Variants in INTS4 observed in about 807,000 individuals in gnomAD.
INTS4 encodes integrator complex subunit 4.
In INTS4, 70 loss-of-function variants were observed where a neutral mutation model predicts 119.5. That is an observed-to-expected ratio of 0.59 (90% CI 0.48 to 0.71). The LOEUF (loss-of-function observed/expected upper bound fraction) is 0.71, where lower values mean the gene tolerates loss of function less well. INTS4 is among the 30% of genes least tolerant of loss of function. The pLI, the probability that INTS4 is intolerant of heterozygous loss-of-function variation, is 0.00. For missense variants in INTS4, 867 were observed against 1,173.2 expected, an observed-to-expected ratio of 0.74 and a Z score of 3.81; for synonymous variants, 316 against 419.6, an observed-to-expected ratio of 0.75 and a Z score of 3.02.
intron 9 of INTS4, among the ~76,000 whole-genome samples, chr11:77,939,393 G>A (rs1953875005): frequency 1.3e-5 from 2 of 151,636 alleles, no homozygotes; most frequent in African/African-American, 2.4e-5. Context: ...GCAGTGAGCC[G>A]AGATCATGCC....
rs532454726 is a variant in INTS4 at position 77,965,898 on chromosome 11, A to T, written c.472-4760T>A. Among the ~76,000 whole-genome samples the T allele has an allele frequency of 3.9e-5, 6 of 152,306 alleles. No individual in the cohort carries two copies. In the East Asian group the frequency reaches 1.2e-3, roughly 29 times the overall value. On this transcript the variant is annotated intron_variant, in intron 4 of 22. Coordinates refer to ENST00000534064, the MANE Select transcript of INTS4 (RefSeq NM_033547.4). ...CTATTTTTAGTTTTTTGAGACCTTC[A>T]TCTTGTTTTCCATAAATAGTTGTAC...
intron 22 of INTS4, 65 bp downstream of exon 22, chr11:77,883,767 C>G: frequency 6.5e-7 from 1 of 1,544,858 alleles, no homozygotes; most frequent in Non-Finnish European, 8.8e-7. Flanking sequence ...AAAAACCAAA[C>G]GCTTAAGGGT....
chr11:77,928,950 G>A (rs185354356), intron 10 of INTS4, among the ~76,000 whole-genome samples: 19 of 150,572 alleles, frequency 1.3e-4, no homozygotes, highest in Middle Eastern at 6.8e-3. Context: ...GTGCCCAGGA[G>A]TTTGAGCCTG....
intron 16 of INTS4, among the ~76,000 whole-genome samples, chr11:77,905,606 C>T (rs190478211): frequency 2.2e-3 from 334 of 152,282 alleles, no homozygotes; most frequent in African/African-American, 6.9e-3. Flanking sequence ...GAAACTTCCT[C>T]GATAAATGAG....
intron 18 of INTS4, among the ~76,000 whole-genome samples, chr11:77,899,352 A>G (rs999714464): frequency 3.3e-5 from 5 of 152,264 alleles, no homozygotes; most frequent in Middle Eastern, 3.4e-3. Flanking sequence ...GAAAGAAAAA[A>G]AAGAAAAAAG....
At chr11:77,889,334 G>A (rs1486936062) in intron 21 of INTS4, among the ~76,000 whole-genome samples, 1 of 150,224 alleles carries the variant, frequency 6.7e-6, no homozygotes. Flanking sequence ...CTCATAGGTG[G>A]GAACTGAACA....
intron 7 of INTS4, among the ~76,000 whole-genome samples, chr11:77,957,010 CCA>C (rs1032030442): frequency 6.6e-6 from 1 of 152,064 alleles, no homozygotes; most frequent in Non-Finnish European, 1.5e-5. Flanking sequence ...GCACTGCTCA[CCA>C]CAGTGTCAAC....
In INTS4 at chr11:77,971,147, T is replaced by A. The variant is rs761082494; in HGVS notation, c.471+7849A>T. ...TATGCATTTCCCTAGTGACAGGTGA[T>A]GTTAAGCTTTTGTGTTGTATGTTTA... is the stretch of plus-strand genomic sequence containing the variant. On this transcript the variant is annotated intron_variant, in intron 4 of 22. Coordinates refer to ENST00000534064, the MANE Select transcript of INTS4 (RefSeq NM_033547.4). Among the ~76,000 whole-genome samples the A allele has an allele frequency of 4.6e-5, 7 of 152,250 alleles. No homozygotes were observed. In the South Asian group the frequency reaches 1.5e-3, roughly 32 times the overall value.
chr11:77,959,513 C>T (rs971935073), intron 6 of INTS4, among the ~76,000 whole-genome samples: 4 of 152,068 alleles, frequency 2.6e-5, no homozygotes, highest in Non-Finnish European at 5.9e-5. Context: ...CAGAGTCTTA[C>T]GCCACCAAAC....
chr11:77,921,849 G>A (rs561851631), intron 13 of INTS4, among the ~76,000 whole-genome samples: 113 of 152,268 alleles, frequency 7.4e-4, no homozygotes, highest in African/African-American at 2.6e-3. Flanking sequence ...TGGGCAACAA[G>A]GTAAAACCCC....
At chr11:77,915,634 C>G (rs1188934349) in intron 15 of INTS4, among the ~76,000 whole-genome samples, 3 of 152,174 alleles carry the variant, frequency 2.0e-5, no homozygotes, top group African/African-American at 2.4e-5. Flanking sequence ...CTCACTCCCA[C>G]CCCTGCACCC....
chr11:77,963,642 A>G (rs897920091), intron 4 of INTS4, among the ~76,000 whole-genome samples: 1 of 152,212 alleles, frequency 6.6e-6, no homozygotes, highest in African/African-American at 2.4e-5. Flanking sequence ...ATGAAGTTGA[A>G]TAAGATAAAA....
At chr11:77,970,602 G>A (rs1457730601) in intron 4 of INTS4, among the ~76,000 whole-genome samples, 1 of 151,828 alleles carries the variant, frequency 6.6e-6, no homozygotes, top group Non-Finnish European at 1.5e-5. Flanking sequence ...GCTGAGGCAG[G>A]CATATCTCTT....
intron 10 of INTS4, among the ~76,000 whole-genome samples, chr11:77,934,659 CAA>C (rs1565256035): frequency 6.6e-6 from 1 of 151,778 alleles, no homozygotes; most frequent in East Asian, 1.9e-4. Context: ...AGAAACGAAA[CAA>C]AGCAAAAATG....
chr11:77,979,110 G>C lies in INTS4; in HGVS notation c.365-8C>G. ...CTAGGACTTGATGAGACTCTAGAGA[G>C]GGAGATAGAAAGTTGGCTTGTAGAA... is the stretch of plus-strand genomic sequence containing the variant. On this transcript the variant is annotated splice_polypyrimidine_tract_variant and splice_region_variant and intron_variant, in intron 3 of 22. Coordinates refer to ENST00000534064, the MANE Select transcript of INTS4 (RefSeq NM_033547.4). 6.4e-7 allele frequency: 1 copy of C among 1,561,480 alleles called. No individual in the cohort carries two copies. Among genetic ancestry groups the C allele is most frequent in the Non-Finnish European group, 8.8e-7 (1 of 1,132,794 alleles).
Position 77,909,512 on chromosome 11 carries a change from G to A in INTS4, c.1923-1702C>T, listed in dbSNP as rs186694214. Among the ~76,000 whole-genome samples, 356 of 152,260 alleles carry A rather than the reference G, an allele frequency of 2.3e-3. 1 individual carries two copies. Among genetic ancestry groups the A allele is most frequent in the African/African-American group, 8.4e-3 (349 of 41,550 alleles). Reference sequence around the variant, plus strand: ...GAGCTCCCTTAGGCCTCTTTTAAAGGTTATTAATCTCATTCATGACCTAAT... The same window carrying A: ...GAGCTCCCTTAGGCCTCTTTTAAAGATTATTAATCTCATTCATGACCTAAT... On this transcript the variant is annotated intron_variant, in intron 15 of 22. Coordinates refer to ENST00000534064, the MANE Select transcript of INTS4 (RefSeq NM_033547.4).
intron 7 of INTS4, 91 bp downstream of exon 7, chr11:77,958,655 C>G: frequency 1.3e-6 from 1 of 761,940 alleles, no homozygotes; most frequent in Admixed American, 2.3e-5. Flanking sequence ...ATGTAACCAA[C>G]ATTTCTTTTC....
chr11:77,901,831 A>C (rs913254092), intron 17 of INTS4, among the ~76,000 whole-genome samples: 9 of 151,952 alleles, frequency 5.9e-5, no homozygotes, highest in African/African-American at 1.9e-4. Flanking sequence ...AAAGCACTGA[A>C]AGCACTGCTT....
intron 10 of INTS4, among the ~76,000 whole-genome samples, chr11:77,933,883 C>T (rs1953726531): frequency 6.6e-6 from 1 of 152,170 alleles, no homozygotes; most frequent in African/African-American, 2.4e-5. Flanking sequence ...GCCACCCCGT[C>T]TGGGAGGTGT....
Sources: allele counts gnomAD v4.1 joint callset (sites outside exome capture counted in the v4.1 genomes callset), GRCh38; gene constraint gnomAD v4.1.1; transcripts MANE v1.5; gene names NCBI Gene and HGNC (gene_info 2026-07-23, HGNC 2026-07-21).